The following RBFOX1 variants were observed in gnomAD, a reference collection of about 807,000 sequenced individuals.
The protein encoded by RBFOX1 is RNA binding fox-1 homolog 1.
A neutral mutation model predicts 57.7 loss-of-function variants in RBFOX1; 8 were observed. The ratio of observed to expected loss-of-function variants is 0.14; its 90% CI spans 0.08 to 0.25. The LOEUF is 0.25. Ranked by LOEUF, RBFOX1 falls within the 10% of genes least tolerant of loss-of-function variation. The pLI is 1.00. For synonymous variants in RBFOX1, 326 were observed against 222.4 expected (o/e 1.47, Z -4.15); for missense variants, 611 against 548.5 (o/e 1.11, Z -1.14).
At position 6,479,335 on chromosome 16, in the gene RBFOX1, C is replaced by T. The variant is rs969887636; in HGVS notation, c.-64+162278C>T. 5.3e-5 allele frequency among the ~76,000 whole-genome samples: 8 copies of T among 152,260 alleles called. No homozygotes were observed. In the Middle Eastern group the frequency reaches 0.014, roughly 259 times the overall value. On this transcript the variant is annotated intron_variant, in intron 2 of 15. Coordinates refer to ENST00000550418, the MANE Select transcript of RBFOX1 (RefSeq NM_018723.4). Reference sequence around the variant, plus strand: ...AGATCAGGGAACTGCCTTATAAAACCATCAGATCTCAGGACGCTGAGGCAG... The same window carrying T: ...AGATCAGGGAACTGCCTTATAAAACTATCAGATCTCAGGACGCTGAGGCAG...
At chr16:6,829,820 T>A (rs2092568957) in intron 3 of RBFOX1, among the ~76,000 whole-genome samples, 1 of 152,180 alleles carries the variant, frequency 6.6e-6, no homozygotes, top group South Asian at 2.1e-4. Flanking sequence ...CAGGCTGGTA[T>A]CGAATTCTTG....
chr16:6,140,451 C>T (rs967775056), intron 1 of RBFOX1, among the ~76,000 whole-genome samples: 2 of 152,144 alleles, frequency 1.3e-5, no homozygotes, highest in African/African-American at 2.4e-5. Flanking sequence ...CCATCTTGGC[C>T]TCCCAAACTG....
At chr16:7,492,977 C>A (rs527754564) in intron 4 of RBFOX1, among the ~76,000 whole-genome samples, 1 of 152,296 alleles carries the variant, frequency 6.6e-6, no homozygotes, top group Admixed American at 6.5e-5. Flanking sequence ...CTCCCAGGTT[C>A]AAGCGATTCT....
At chr16:6,662,550 G>A (rs2098708149) in intron 3 of RBFOX1, among the ~76,000 whole-genome samples, 1 of 152,072 alleles carries the variant, frequency 6.6e-6, no homozygotes, top group African/African-American at 2.4e-5. Context: ...CCTTCAGGCA[G>A]TTCATGGATA....
chr16:5,788,244 A>G lies in RBFOX1; in HGVS notation c.319-79059A>G, dbSNP rs141326338. Among the ~76,000 whole-genome samples the G allele has an allele frequency of 2.2e-4, 34 of 152,294 alleles. No individual in the cohort carries two copies. In the East Asian group the frequency reaches 6.2e-3, roughly 28 times the overall value. ...GGATGGAGAGAAGAAATGACAGCAT[A>G]TGTCACCCTTTCCATTTAGAACCTC... is the stretch of plus-strand genomic sequence containing the variant. On this transcript the variant is annotated intron_variant, in intron 3 of 19. Coordinates refer to the RBFOX1 transcript ENST00000641259.
chr16:6,339,031 A>T lies in RBFOX1; in HGVS notation c.-64+21974A>T, dbSNP rs145984951. ...GCCTGGGGCAGACTTAGACAATTAGATAGAAGGATCAGGAGTGGAATGGAA... is the reference window on the plus strand; with the variant it reads ...GCCTGGGGCAGACTTAGACAATTAGTTAGAAGGATCAGGAGTGGAATGGAA... On this transcript the variant is annotated intron_variant, in intron 2 of 15. Transcript: ENST00000550418. Among the ~76,000 whole-genome samples, 6 of 152,326 alleles carry T rather than the reference A, an allele frequency of 3.9e-5. No individual in the cohort carries two copies. In the East Asian group the frequency reaches 9.7e-4, roughly 25 times the overall value.
At chr16:5,451,842 T>C (rs1480968853) in intron 1 of RBFOX1, among the ~76,000 whole-genome samples, 1 of 152,158 alleles carries the variant, frequency 6.6e-6, no homozygotes, top group African/African-American at 2.4e-5. Context: ...ACTCTCTGGG[T>C]GGGCTTAGTC....
At chr16:6,862,144 G>C (rs1205233604) in intron 3 of RBFOX1, among the ~76,000 whole-genome samples, 4 of 152,130 alleles carry the variant, frequency 2.6e-5, no homozygotes, top group African/African-American at 7.2e-5. Context: ...CAACAAAAGA[G>C]TTTTTCATTT....
At chr16:6,537,591 G>A (rs1332051519) in intron 2 of RBFOX1, among the ~76,000 whole-genome samples, 1 of 152,164 alleles carries the variant, frequency 6.6e-6, no homozygotes, top group Non-Finnish European at 1.5e-5. Context: ...CCACGCTGAA[G>A]TATCTGTACT....
At chr16:6,168,830 T>A (rs1293186737) in intron 1 of RBFOX1, among the ~76,000 whole-genome samples, 1 of 152,014 alleles carries the variant, frequency 6.6e-6, no homozygotes, top group East Asian at 1.9e-4. Flanking sequence ...TTTTTTTTTT[T>A]TAAACACTCT....
rs200063124 is a variant in RBFOX1, at chr16:7,265,975, T to G, written c.27+213877T>G. On this transcript the variant is annotated intron_variant, in intron 4 of 15. Coordinates refer to ENST00000550418, the MANE Select transcript of RBFOX1 (RefSeq NM_018723.4). ...TCTGGTGGGTTTTTGTTTTTTTTTT[T>G]TTTTTTTTTTTTTTTCTGAGAGGGA... Among the ~76,000 whole-genome samples, 833 of 137,330 alleles carry G rather than the reference T, an allele frequency of 6.1e-3. 40 individuals carry two copies. The highest frequency in any genetic ancestry group is 0.041 in the Admixed American group (565 of 13,818). The allele number at this position is 137,330 out of a possible 152,430, so 90.1% of individuals were successfully genotyped here.
chr16:6,496,369 G>T (rs1338424383), intron 2 of RBFOX1, among the ~76,000 whole-genome samples: 1 of 152,156 alleles, frequency 6.6e-6, no homozygotes, highest in Non-Finnish European at 1.5e-5. Flanking sequence ...AAGTGGATTG[G>T]GAACCTGCTT....
intron 4 of RBFOX1, among the ~76,000 whole-genome samples, chr16:5,975,671 TG>T (rs2060047928): frequency 6.6e-6 from 1 of 152,188 alleles, no homozygotes; most frequent in Non-Finnish European, 1.5e-5. Context: ...TCTGTGCTCT[TG>T]CCCATGTTGG....
chr16:5,385,434 C>A (rs561119611), intron 1 of RBFOX1, among the ~76,000 whole-genome samples: 1 of 152,166 alleles, frequency 6.6e-6, no homozygotes, highest in Non-Finnish European at 1.5e-5. Context: ...TCTTTTGGGA[C>A]ATGAAACATG....
At chr16:6,299,707 G>C (rs1165502707) in intron 1 of RBFOX1, among the ~76,000 whole-genome samples, 1 of 152,118 alleles carries the variant, frequency 6.6e-6, no homozygotes, top group Non-Finnish European at 1.5e-5. Flanking sequence ...CCTAAACTCA[G>C]TTATTTGCAG....
chr16:7,232,006 A>G (rs1000917062), intron 4 of RBFOX1, among the ~76,000 whole-genome samples: 3 of 152,156 alleles, frequency 2.0e-5, no homozygotes, highest in African/African-American at 7.2e-5. Context: ...ACATTTGTGA[A>G]TGAACAAAAT....
At chr16:7,097,031 G>A (rs962657799) in intron 4 of RBFOX1, among the ~76,000 whole-genome samples, 1 of 151,346 alleles carries the variant, frequency 6.6e-6, no homozygotes, top group African/African-American at 2.4e-5. Context: ...ATCCTGGTTT[G>A]GTAAAAACAA....
intron 4 of RBFOX1, among the ~76,000 whole-genome samples, chr16:7,366,645 TC>T (rs1008745602): frequency 1.4e-5 from 2 of 144,674 alleles, no homozygotes; most frequent in African/African-American, 2.8e-5. Flanking sequence ...TTGATAGTTT[TC>T]TTTTTTTTTT....
At chr16:6,948,189 T>C (rs537425933) in intron 3 of RBFOX1, among the ~76,000 whole-genome samples, 11 of 152,072 alleles carry the variant, frequency 7.2e-5, no homozygotes, top group Admixed American at 5.2e-4. Context: ...CCCAGCACTT[T>C]GGGAGGCTGA....
Sources: gnomAD v4.1 joint callset for allele counts (sites outside exome capture counted in the v4.1 genomes callset) on GRCh38, gnomAD v4.1.1 for gene constraint, MANE v1.5 for transcripts, NCBI Gene and HGNC (gene_info 2026-07-23, HGNC 2026-07-21) for gene names.